RXFP2: variants seen among roughly 807,000 people sequenced by gnomAD.
The protein encoded by RXFP2 is relaxin receptor 2.
RXFP2 carries 68 observed loss-of-function variants against 88.6 expected under a neutral mutation model. That is an observed-to-expected ratio of 0.77 (90% CI 0.63 to 0.94). RXFP2 has a LOEUF of 0.94. Among genes scored for constraint, RXFP2 ranks in the 40% least tolerant of loss-of-function variants. The pLI is 0.00. For synonymous variants in RXFP2, 329 were observed against 306.8 expected, an observed-to-expected ratio of 1.07 and a Z score of -0.76; for missense variants, 791 against 893.9, an observed-to-expected ratio of 0.88 and a Z score of 1.47.
intron 2 of RXFP2, among the ~76,000 whole-genome samples, chr13:31,761,331 T>C (rs1274921813): frequency 1.3e-5 from 2 of 152,200 alleles, no homozygotes; most frequent in African/African-American, 4.8e-5. Flanking sequence ...ACTCAATATA[T>C]CTATCAAGTA....
intron 11 of RXFP2, 23 bp from the exon 12 acceptor site, chr13:31,786,360 T>TG (rs1218869150): frequency 3.3e-6 from 5 of 1,520,568 alleles, no homozygotes; most frequent in Non-Finnish European, 4.6e-6. Flanking sequence ...GTAATTGCTT[T>TG]GGGTTTTCAT....
At chr13:31,786,762 T>C in intron 13 of RXFP2, 125 bp downstream of exon 13, 1 of 667,470 alleles carries the variant, frequency 1.5e-6, no homozygotes, top group South Asian at 1.7e-5. Flanking sequence ...GAATCACAGA[T>C]CCCATCAAGT....
At chr13:31,745,810 C>T (rs1421538599) in intron 1 of RXFP2, among the ~76,000 whole-genome samples, 2 of 152,166 alleles carry the variant, frequency 1.3e-5, no homozygotes, top group Non-Finnish European at 2.9e-5. Flanking sequence ...TCCAGAAGTT[C>T]AGCAAAGAAG....
chr13:31,755,914 T>C (rs1244458688), intron 1 of RXFP2, among the ~76,000 whole-genome samples: 2 of 152,178 alleles, frequency 1.3e-5, no homozygotes, highest in Non-Finnish European at 1.5e-5. Context: ...GTCTTCCTCC[T>C]CAGTCAGAAA....
At chr13:31,785,158 T>A (rs1873470826) in intron 11 of RXFP2, among the ~76,000 whole-genome samples, 1 of 152,144 alleles carries the variant, frequency 6.6e-6, no homozygotes, top group South Asian at 2.1e-4. Flanking sequence ...GATGTGATAG[T>A]TCCAAGGTGG....
intron 1 of RXFP2, among the ~76,000 whole-genome samples, chr13:31,744,766 G>A (rs1034795445): frequency 7.9e-5 from 12 of 151,196 alleles, no homozygotes; most frequent in African/African-American, 2.2e-4. Flanking sequence ...TTCCAACTGC[G>A]TTTAAAGCTG....
At chr13:31,801,158 C>T (rs1030071302) in intron 17 of RXFP2, among the ~76,000 whole-genome samples, 1 of 151,950 alleles carries the variant, frequency 6.6e-6, no homozygotes, top group African/African-American at 2.4e-5. Context: ...TATGAGATTG[C>T]GAAGGAGGAG....
chr13:31,758,183 G>A, intron 1 of RXFP2, 75 bp from the exon 2 acceptor site: 1 of 1,510,170 alleles, frequency 6.6e-7, no homozygotes, highest in Non-Finnish European at 9.2e-7. Context: ...TATAGCTCTT[G>A]TGAAAATTAA....
chr13:31,796,104 C>T (rs1874028861), intron 16 of RXFP2, among the ~76,000 whole-genome samples: 1 of 114,484 alleles, frequency 8.7e-6, no homozygotes. Flanking sequence ...GGCTGGAGTG[C>T]AGTGGCGCAA....
chr13:31,768,238 G>T (rs191169950), intron 5 of RXFP2, among the ~76,000 whole-genome samples: 1 of 152,146 alleles, frequency 6.6e-6, no homozygotes, highest in Non-Finnish European at 1.5e-5. Context: ...CATGCAAGCT[G>T]CTATTTGATG....
chr13:31,759,499 G>A (rs1470641634), intron 2 of RXFP2, among the ~76,000 whole-genome samples: 2 of 151,858 alleles, frequency 1.3e-5, no homozygotes, highest in Non-Finnish European at 2.9e-5. Flanking sequence ...AACATCAAGT[G>A]CAAAGGCCCA....
chr13:31,782,743 G>A lies in RXFP2; in HGVS notation c.925G>A (p.Glu309Lys), dbSNP rs781355067. 6 of 1,573,306 alleles carry A rather than the reference G, an allele frequency of 3.8e-6. No individual in the cohort carries two copies. Among genetic ancestry groups the A allele is most frequent in the Non-Finnish European group, 5.2e-6 (6 of 1,143,096 alleles). Residue 309 changes from glutamate to lysine, a missense_variant, in exon 11 of 18, where the codon GAA (glutamate) becomes AAA (lysine). Physicochemically the swap from Glu to Lys is moderately conservative, Grantham distance 56. Coordinates refer to ENST00000298386, the MANE Select transcript of RXFP2 (RefSeq NM_130806.5). ...KTFSSLKNLG[E>K]LDLSSNTITE... ...ATTTTCTTCATTAAAAAATTTAGGA[G>A]AACTGTAAGTAGCATCGTCTACTAG... is the stretch of plus-strand genomic sequence containing the variant.
At chr13:31,776,092 C>CT (rs1290220151) in intron 7 of RXFP2, among the ~76,000 whole-genome samples, 3 of 68,732 alleles carry the variant, frequency 4.4e-5, no homozygotes, top group Non-Finnish European at 6.3e-5. Context: ...TTCCTTCTTT[C>CT]TTTCTTTTCT....
intron 5 of RXFP2, among the ~76,000 whole-genome samples, chr13:31,767,243 C>T (rs1406885994): frequency 6.6e-6 from 1 of 152,190 alleles, no homozygotes; most frequent in Non-Finnish European, 1.5e-5. Context: ...CTTGTGTGAA[C>T]ATCAATACTC....
intron 5 of RXFP2, among the ~76,000 whole-genome samples, chr13:31,767,376 C>T (rs1872588858): frequency 6.6e-6 from 1 of 152,174 alleles, no homozygotes; most frequent in African/African-American, 2.4e-5. Context: ...TATGCATTGG[C>T]TCTGCATGTC....
At chr13:31,764,959 C>T (rs1872480211) in intron 3 of RXFP2, 78 bp from the exon 4 acceptor site, 1 of 793,102 alleles carries the variant, frequency 1.3e-6, no homozygotes, top group Non-Finnish European at 2.2e-6. Context: ...GAAAAGAAAA[C>T]AATATCAGTT....
intron 1 of RXFP2, among the ~76,000 whole-genome samples, chr13:31,742,338 T>TA (rs1271642340): frequency 6.6e-6 from 1 of 152,200 alleles, no homozygotes; most frequent in African/African-American, 2.4e-5. Context: ...GGTCCTTTCT[T>TA]ACGGATGTCA....
intron 1 of RXFP2, among the ~76,000 whole-genome samples, chr13:31,741,214 T>A (rs1270441402): frequency 6.6e-6 from 1 of 152,080 alleles, no homozygotes; most frequent in African/African-American, 2.4e-5. Flanking sequence ...TTTTGTTTGA[T>A]TTTATTTCTA....
intron 5 of RXFP2, among the ~76,000 whole-genome samples, chr13:31,767,551 G>A (rs1341288380): frequency 1.3e-5 from 2 of 152,150 alleles, no homozygotes; most frequent in African/African-American, 2.4e-5. Context: ...GAAGGGAAGA[G>A]ATTTTCGTTT....
Sources: allele counts gnomAD v4.1 joint callset (sites outside exome capture counted in the v4.1 genomes callset), GRCh38; gene constraint gnomAD v4.1.1; transcripts MANE v1.5; gene names NCBI Gene and HGNC (gene_info 2026-07-23, HGNC 2026-07-21).